Variants in USPL1 observed in about 807,000 individuals in gnomAD.
USPL1 encodes SUMO-specific isopeptidase USPL1.
A neutral mutation model predicts 51.5 loss-of-function variants in USPL1; 27 were observed. The ratio of observed to expected loss-of-function variants is 0.52; its 90% CI spans 0.39 to 0.72. The LOEUF is 0.72. USPL1 is among the 30% of genes least tolerant of loss of function. USPL1 has a pLI of 0.00. For missense variants in USPL1, 1,226 were observed against 1,268.0 expected, an observed-to-expected ratio of 0.97 and a Z score of 0.50; for synonymous variants, 451 against 459.6, an observed-to-expected ratio of 0.98 and a Z score of 0.24.
At chr13:30,655,726 C>T (rs1593394685) in intron 8 of USPL1, among the ~76,000 whole-genome samples, 1 of 152,308 alleles carries the variant, frequency 6.6e-6, no homozygotes, top group East Asian at 1.9e-4. Flanking sequence ...CATTACTTCT[C>T]TACTGCTAAA....
At position 30,653,836 on chromosome 13, in the gene USPL1, T is replaced by C. The variant is rs375919296; in HGVS notation, c.1396+531T>C. On this transcript the variant is annotated intron_variant, in intron 8 of 8. Coordinates refer to ENST00000255304, the MANE Select transcript of USPL1 (RefSeq NM_005800.5). ...GATATGGTAAAATATTGAGTTTGTT[T>C]TTCTCATAATGTTCACTTTGTCTTA... Among the ~76,000 whole-genome samples, 15 of 152,336 alleles carry C rather than the reference T, an allele frequency of 9.8e-5. No homozygotes were observed. The South Asian group carries it at 2.1e-3, about 21-fold the overall frequency.
intron 7 of USPL1, among the ~76,000 whole-genome samples, chr13:30,651,892 A>G (rs1016088641): frequency 2.0e-5 from 3 of 151,966 alleles, no homozygotes; most frequent in Admixed American, 1.3e-4. Context: ...GGAGGCGGAG[A>G]TTGCAGTAAG....
At chr13:30,621,052 C>A in intron 1 of USPL1, 21 bp from the exon 2 acceptor site, 2 of 1,027,146 alleles carry the variant, frequency 1.9e-6, no homozygotes, top group Non-Finnish European at 2.9e-6. Flanking sequence ...ATTTAATTGT[C>A]TATTGACTTT....
At position 30,660,471 on chromosome 13, in the gene USPL1, C is replaced by G. The variant is rs1439028516; in HGVS notation, c.*1115C>G. On this transcript the variant is annotated 3_prime_UTR_variant, in exon 9 of 9. Coordinates refer to ENST00000255304, the MANE Select transcript of USPL1 (RefSeq NM_005800.5). ...GATCTTGCCTGCTCCAAGGCTGCAG[C>G]CGGAATGATAGCAGGCTGACTGGAG... 1 of 152,184 alleles carries G rather than the reference C, an allele frequency of 6.6e-6. No homozygotes were observed. The highest frequency in any genetic ancestry group is 6.5e-5 in the Admixed American group (1 of 15,276). 9.4% of individuals were successfully genotyped at this position (152,184 alleles called of 1,614,324 possible).
Position 30,658,741 on chromosome 13 carries a change from T to G in USPL1, c.2664T>G (p.Leu888=). The G allele has an allele frequency of 1.2e-6, 2 of 1,614,194 alleles. No individual in the cohort carries two copies. Among genetic ancestry groups the G allele is most frequent in the South Asian group, 2.2e-5 (2 of 91,076 alleles). ...TGGTGGAAGGTCAGATTCATAAACT[T>G]CGTCTAAAACTTCGTAAAAAGCTAA... is the stretch of plus-strand genomic sequence containing the variant. ...EDLVEGQIHK[L]RLKLRKKLKA... Residue 888 remains leucine, a synonymous_variant, in exon 9 of 9, where the codon CTT becomes CTG. Transcript: ENST00000255304.
intron 7 of USPL1, among the ~76,000 whole-genome samples, chr13:30,649,099 G>C (rs1474600683): frequency 6.6e-6 from 1 of 152,184 alleles, no homozygotes; most frequent in Non-Finnish European, 1.5e-5. Flanking sequence ...TTCATGCTCT[G>C]ATCTGGAAAT....
chr13:30,659,415 G>A lies in USPL1; in HGVS notation c.*59G>A. On this transcript the variant is annotated 3_prime_UTR_variant, in exon 9 of 9. Transcript: ENST00000255304. The stretch of plus-strand genomic sequence containing the variant: ...TATTATTATTAGAAGAACTTACAAT[G>A]TGTTCAGGTAGTGTTTATACACTGG... The A allele has an allele frequency of 7.2e-7, 1 of 1,379,860 alleles. No homozygotes were observed. The highest frequency in any genetic ancestry group is 9.6e-7 in the Non-Finnish European group (1 of 1,037,792). The allele number at this position is 1,379,860 out of a possible 1,614,324, so 85.5% of individuals were successfully genotyped here.
At chr13:30,655,750 AAAT>A (rs1344851641) in intron 8 of USPL1, among the ~76,000 whole-genome samples, 1 of 152,216 alleles carries the variant, frequency 6.6e-6, no homozygotes, top group Non-Finnish European at 1.5e-5. Context: ...ATGTTTTCTA[AAAT>A]AATATACTCC....
At chr13:30,638,401 G>A (rs1228648893) in intron 5 of USPL1, among the ~76,000 whole-genome samples, 1 of 152,100 alleles carries the variant, frequency 6.6e-6, no homozygotes, top group Non-Finnish European at 1.5e-5. Context: ...TTGGCCAGTG[G>A]ATATTAAGAG....
rs61947789 is a variant in USPL1, at chr13:30,629,924, G to A, written c.229-911G>A. The stretch of plus-strand genomic sequence containing the variant: ...GTTCATAGGGAGGGCCATCAAGATA[G>A]TAGTCTACCATACTTGTGTAAAAGA... On this transcript the variant is annotated intron_variant, in intron 3 of 8. Coordinates refer to ENST00000255304, the MANE Select transcript of USPL1 (RefSeq NM_005800.5). Among the ~76,000 whole-genome samples, 326 of 152,206 alleles carry A rather than the reference G, an allele frequency of 2.1e-3. 2 individuals carry two copies. Among genetic ancestry groups the A allele is most frequent in the Middle Eastern group, 0.014 (4 of 294 alleles).
At chr13:30,629,876 T>C (rs1285997561) in intron 3 of USPL1, among the ~76,000 whole-genome samples, 1 of 152,052 alleles carries the variant, frequency 6.6e-6, no homozygotes, top group Non-Finnish European at 1.5e-5. Context: ...AGGGCATGAA[T>C]TACCAGGAGG....
At chr13:30,650,494 T>G (rs984223363) in intron 7 of USPL1, among the ~76,000 whole-genome samples, 6 of 151,258 alleles carry the variant, frequency 4.0e-5, no homozygotes, top group African/African-American at 1.5e-4. Context: ...TTAGTACTGC[T>G]TGAACTGGGG....
chr13:30,652,307 T>C (rs1169294032), intron 7 of USPL1, among the ~76,000 whole-genome samples: 1 of 152,242 alleles, frequency 6.6e-6, no homozygotes, highest in African/African-American at 2.4e-5. Flanking sequence ...AGGATTAATG[T>C]ATAAATTATA....
intron 7 of USPL1, among the ~76,000 whole-genome samples, chr13:30,651,244 T>C (rs1951088881): frequency 6.6e-6 from 1 of 152,204 alleles, no homozygotes; most frequent in African/African-American, 2.4e-5. Context: ...TTGTTGTCTC[T>C]TTTTTGCTGG....
intron 5 of USPL1, 51 bp downstream of exon 5, chr13:30,637,908 A>G (rs762618989): frequency 3.1e-6 from 4 of 1,280,706 alleles, no homozygotes; most frequent in Non-Finnish European, 3.4e-6. Flanking sequence ...CCATATAGAA[A>G]TATGTACCTC....
rs2137736761 is a variant in USPL1 at position 30,658,853 on chromosome 13, G to A, written c.2776G>A (p.Asp926Asn). Residue 926 changes from aspartate (D) to asparagine (N), a missense_variant, in exon 9 of 9, where the codon GAT becomes AAT. Asp to Asn is a conservative substitution (Grantham distance 23). Transcript: ENST00000255304. ...TGAAAATCTAGAACAGGTGCCCCAGGATGGGTCTCCAAATGATTGTGAATC... is the reference window on the plus strand; with the variant it reads ...TGAAAATCTAGAACAGGTGCCCCAGAATGGGTCTCCAAATGATTGTGAATC... ...RSENLEQVPQ[D>N]GSPNDCESIE... The A allele has an allele frequency of 6.2e-7, 1 of 1,613,936 alleles. No homozygotes were observed. The highest frequency in any genetic ancestry group is 8.5e-7 in the Non-Finnish European group (1 of 1,180,044).
intron 5 of USPL1, among the ~76,000 whole-genome samples, chr13:30,638,626 G>T (rs970806718): frequency 6.6e-6 from 1 of 151,774 alleles, no homozygotes; most frequent in Non-Finnish European, 1.5e-5. Context: ...AGGGCTTTTT[G>T]TTTTATTTTT....
At chr13:30,619,312 T>A (rs576002794) in intron 1 of USPL1, among the ~76,000 whole-genome samples, 1 of 152,336 alleles carries the variant, frequency 6.6e-6, no homozygotes, top group East Asian at 1.9e-4. Context: ...ATGAATTTTC[T>A]TTTGGGGGAT....
rs1303674910 is a variant in USPL1 at position 30,621,207 on chromosome 13, T to A, written c.67T>A (p.Ser23Thr). 2 of 1,602,174 alleles carry A rather than the reference T, an allele frequency of 1.2e-6. No individual in the cohort carries two copies. Among genetic ancestry groups the A allele is most frequent in the Non-Finnish European group, 1.7e-6 (2 of 1,175,814 alleles). Residue 23 changes from serine to threonine, a missense_variant, in exon 2 of 9, where the codon TCT becomes ACT. By Grantham distance (58) the Ser-to-Thr change is moderately conservative. Transcript: ENST00000255304. ...TGGACCAGGGACTGATATAGGGATA[T>A]CTTCACTCCACATGGTGGGGTATTT... is the stretch of plus-strand genomic sequence containing the variant. ...VIGPGTDIGI[S>T]SLHMVGYLGK...
Sources: allele counts gnomAD v4.1 joint callset (sites outside exome capture counted in the v4.1 genomes callset), GRCh38; gene constraint gnomAD v4.1.1; transcripts MANE v1.5; gene names NCBI Gene and HGNC (gene_info 2026-07-23, HGNC 2026-07-21).